Variants in ABHD8 observed in about 807,000 individuals in gnomAD.
ABHD8 encodes protein ABHD8.
A neutral mutation model predicts 29.3 loss-of-function variants in ABHD8; 10 were observed. That is an observed-to-expected ratio of 0.34 (90% CI 0.21 to 0.58). ABHD8 has a LOEUF of 0.58. ABHD8 is among the 20% of genes least tolerant of loss of function. The pLI is 0.85. For synonymous variants in ABHD8, 282 were observed against 274.6 expected (o/e 1.03, Z -0.27); for missense variants, 556 against 615.3 (o/e 0.90, Z 1.02).
intron 1 of ABHD8, 146 bp from the exon 2 acceptor site, chr19:17,301,770 T>TTTTG (rs1555721091): frequency 1.1e-6 from 1 of 907,410 alleles, no homozygotes; most frequent in South Asian, 2.2e-5. Context: ...ACTGAGATTT[T>TTTTG]TTTGTTTGTG....
Position 17,294,516 on chromosome 19 carries a change from G to A in ABHD8, c.933-12C>T. 1 of 1,613,594 alleles carries A rather than the reference G, an allele frequency of 6.2e-7. No homozygotes were observed. Among genetic ancestry groups the A allele is most frequent in the Non-Finnish European group, 8.5e-7 (1 of 1,179,946 alleles). ...GGGCGAAGCCGGCCCTGGTGGTGGT[G>A]GAGGCACCGCTAGAGCCCCTTATGC... On this transcript the variant is annotated splice_polypyrimidine_tract_variant and intron_variant, in intron 3 of 4. Transcript: ENST00000247706.
In ABHD8 at chr19:17,292,470, G is replaced by T; in HGVS notation, c.*191C>A. ...ATGGGCCCCGCGGGACGGAAGCGGA[G>T]AGCGGAATGTCCGCTGGGCTCCCTC... is the stretch of plus-strand genomic sequence containing the variant. On this transcript the variant is annotated 3_prime_UTR_variant, in exon 5 of 5. Transcript: ENST00000247706. The T allele has an allele frequency of 1.6e-6, 1 of 639,262 alleles. No homozygotes were observed. The highest frequency in any genetic ancestry group is 2.5e-6 in the Non-Finnish European group (1 of 406,026). 39.6% of individuals were successfully genotyped at this position (639,262 alleles called of 1,614,324 possible).
Position 17,301,166 on chromosome 19 carries a change from C to G in ABHD8, c.451G>C (p.Ala151Pro). Residue 151 changes from alanine (A) to proline (P), a missense_variant, in exon 2 of 5, where the codon GCC (alanine) becomes CCC (proline). By Grantham distance (27) the Ala-to-Pro change is conservative (BLOSUM62 -1). Transcript: ENST00000247706. ...TGGATGGTCCTCTTGGGGCGCCTGGCTCGCCGCCGCCGCCCACCACTGCCA... is the reference window on the plus strand; with the variant it reads ...TGGATGGTCCTCTTGGGGCGCCTGGGTCGCCGCCGCCGCCCACCACTGCCA... ...GSGSGGRRRR[A>P]RRPKRTIHID... The G allele has an allele frequency of 6.2e-7, 1 of 1,609,472 alleles. No individual in the cohort carries two copies. Among genetic ancestry groups the G allele is most frequent in the Non-Finnish European group, 8.5e-7 (1 of 1,179,352 alleles).
In ABHD8 at chr19:17,301,347, C is replaced by T. The variant is rs1158640959; in HGVS notation, c.270G>A (p.Leu90=). 15 of 1,609,314 alleles carry T rather than the reference C, an allele frequency of 9.3e-6. No individual in the cohort carries two copies. The highest frequency in any genetic ancestry group is 1.3e-5 in the Non-Finnish European group (15 of 1,179,900). Residue 90 remains leucine (L), a synonymous_variant, in exon 2 of 5, where the codon TTG becomes TTA. Coordinates refer to ENST00000247706, the MANE Select transcript of ABHD8 (RefSeq NM_024527.5). ...RRITVYRNGR[L]LVENLGRAPR... is the part of the protein sequence containing the mutation. Reference sequence around the variant, plus strand: ...GGGCTCGGCCCAGGTTTTCCACCAGCAACCGCCCATTGCGGTACACGGTGA... The same window carrying T: ...GGGCTCGGCCCAGGTTTTCCACCAGTAACCGCCCATTGCGGTACACGGTGA...
At chr19:17,300,395 G>T (rs2074112052) in intron 2 of ABHD8, among the ~76,000 whole-genome samples, 1 of 151,852 alleles carries the variant, frequency 6.6e-6, no homozygotes, top group African/African-American at 2.4e-5. Context: ...GTAGAGCTAG[G>T]GGGTTCTCCC....
Position 17,295,101 on chromosome 19 carries a change from T to TTTA in ABHD8, c.762-257_762-256insTAA, listed in dbSNP as rs1379291335. ...ACCACACCCAGGTAATTTTTTTTTT[T>TTTA]TTTTTTTTTTTTTTTGAGACGGAGT... On this transcript the variant is annotated intron_variant, in intron 2 of 4. Transcript: ENST00000247706. 9.6e-5 allele frequency among the ~76,000 whole-genome samples: 13 copies of TTTA among 135,494 alleles called. No individual in the cohort carries two copies. In the South Asian group the frequency reaches 3.1e-3, roughly 32 times the overall value. The allele number at this position is 135,494 out of a possible 152,430, so 88.9% of individuals were successfully genotyped here. A position where few individuals can be genotyped will look rare whatever the true frequency, so the allele number is the denominator to read the frequency against.
intron 1 of ABHD8, among the ~76,000 whole-genome samples, chr19:17,302,587 G>A (rs1205420038): frequency 6.6e-6 from 1 of 152,166 alleles, no homozygotes; most frequent in African/African-American, 2.4e-5. Flanking sequence ...CCCCTAGACC[G>A]GGGTGAGCCG....
chr19:17,295,219 C>T (rs941479074), intron 2 of ABHD8, among the ~76,000 whole-genome samples: 1 of 151,110 alleles, frequency 6.6e-6, no homozygotes, highest in Admixed American at 6.7e-5. Flanking sequence ...CATTCTCCTG[C>T]CTCAGCCTCC....
At position 17,298,374 on chromosome 19, in the gene ABHD8, C is replaced by G. The variant is rs1231296133; in HGVS notation, c.761+2482G>C. On this transcript the variant is annotated intron_variant, in intron 2 of 4. Transcript: ENST00000247706. ...GGACCAAGCCTTCCATGGAGGGGTTCTTGGTAAGTTTTAGGTTGTATTACC... is the reference window on the plus strand; with the variant it reads ...GGACCAAGCCTTCCATGGAGGGGTTGTTGGTAAGTTTTAGGTTGTATTACC... 7 of 152,056 alleles carry G rather than the reference C, an allele frequency of 4.6e-5. No homozygotes were observed. The East Asian group carries it at 5.8e-4, about 13-fold the overall frequency. The allele number at this position is 152,056 out of a possible 1,614,324, so 9.4% of individuals were successfully genotyped here. A position where few individuals can be genotyped will look rare whatever the true frequency, so the allele number is the denominator to read the frequency against.
At chr19:17,294,873 G>C in intron 2 of ABHD8, 28 bp from the exon 3 acceptor site, 1 of 1,605,584 alleles carries the variant, frequency 6.2e-7, no homozygotes, top group South Asian at 1.1e-5. Flanking sequence ...GGTGATAGGA[G>C]GATTGAAGGG....
chr19:17,295,712 TG>T (rs1413663978), intron 2 of ABHD8, among the ~76,000 whole-genome samples: 1 of 151,828 alleles, frequency 6.6e-6, no homozygotes, highest in Admixed American at 6.6e-5. Flanking sequence ...TGGCCTGTTT[TG>T]TTTTTGTTTT....
intron 1 of ABHD8, 146 bp from the exon 2 acceptor site, chr19:17,301,770 T>G (rs1205286514): frequency 1.1e-6 from 1 of 907,312 alleles, no homozygotes; most frequent in African/African-American, 2.4e-5. Context: ...ACTGAGATTT[T>G]TTTGTTTGTG....
rs779607230 is a variant in ABHD8 at position 17,295,090 on chromosome 19, A to ATTTTTTT, written c.762-252_762-246dup. Among the ~76,000 whole-genome samples the ATTTTTTT allele has an allele frequency of 4.6e-4, 37 of 80,410 alleles. 6 individuals are homozygous for ATTTTTTT. Among genetic ancestry groups the ATTTTTTT allele is most frequent in the African/African-American group, 1.3e-3 (27 of 20,334 alleles). The allele number at this position is 80,410 out of a possible 152,430, so 52.8% of individuals were successfully genotyped here. On this transcript the variant is annotated intron_variant, in intron 2 of 4. Transcript: ENST00000247706. ...AGGCGCACACCACCACACCCAGGTA[A>ATTTTTTT]TTTTTTTTTTTTTTTTTTTTTTTTT...
intron 2 of ABHD8, among the ~76,000 whole-genome samples, chr19:17,299,723 T>A (rs1015998173): frequency 1.6e-4 from 24 of 151,772 alleles, no homozygotes; most frequent in South Asian, 2.1e-4. Context: ...GAAAAAAAAA[T>A]TTTAAAAATG....
At chr19:17,300,058 C>T (rs1043807734) in intron 2 of ABHD8, among the ~76,000 whole-genome samples, 1 of 151,894 alleles carries the variant, frequency 6.6e-6, no homozygotes, top group African/African-American at 2.4e-5. Flanking sequence ...GTGCCCACCA[C>T]CACACCCAGC....
At position 17,294,661 on chromosome 19, in the gene ABHD8, G is replaced by A. The variant is rs746897140; in HGVS notation, c.932+14C>T. On this transcript the variant is annotated intron_variant, in intron 3 of 4. Coordinates refer to ENST00000247706, the MANE Select transcript of ABHD8 (RefSeq NM_024527.5). ...CAGGGCCAGGATCACGGTCTTTGGG[G>A]TGGGGACACTCACTTGAGGAAGCTC... 6.2e-7 allele frequency: 1 copy of A among 1,612,828 alleles called. No individual in the cohort carries two copies. Among genetic ancestry groups the A allele is most frequent in the Non-Finnish European group, 8.5e-7 (1 of 1,179,202 alleles).
chr19:17,297,873 G>A (rs955514274), intron 2 of ABHD8: 3 of 150,766 alleles, frequency 2.0e-5, no homozygotes, highest in Non-Finnish European at 2.9e-5. Flanking sequence ...TGGGATTATA[G>A]GTGTAAGCCA....
chr19:17,301,315 G>T lies in ABHD8; in HGVS notation c.302C>A (p.Ala101Asp). The T allele has an allele frequency of 6.2e-7, 1 of 1,607,192 alleles. No homozygotes were observed. The highest frequency in any genetic ancestry group is 8.5e-7 in the Non-Finnish European group (1 of 1,179,816). ...GCCATTCTGCCCGTGTAGGAGGTCGGCTCGAGGGGCTCGGCCCAGGTTTTC... is the reference window on the plus strand; with the variant it reads ...GCCATTCTGCCCGTGTAGGAGGTCGTCTCGAGGGGCTCGGCCCAGGTTTTC... ...LVENLGRAPR[A>D]DLLHGQNGSG... Residue 101 changes from alanine to aspartate, a missense_variant, in exon 2 of 5, where the codon GCC (alanine) becomes GAC (aspartate). By Grantham distance (126) the Ala-to-Asp change is moderately radical (BLOSUM62 -2). Coordinates refer to ENST00000247706, the MANE Select transcript of ABHD8 (RefSeq NM_024527.5).
chr19:17,301,288 G>A lies in ABHD8; in HGVS notation c.329C>T (p.Ser110Phe), dbSNP rs1035930909. Residue 110 changes from serine (S) to phenylalanine (F), a missense_variant, in exon 2 of 5, where the codon TCT becomes TTT. By Grantham distance (155) the Ser-to-Phe change is radical. Coordinates refer to ENST00000247706, the MANE Select transcript of ABHD8 (RefSeq NM_024527.5). Reference sequence around the variant, plus strand: ...CTCCAGGGCGGCCGGCGGCTCCCCAGAGCCATTCTGCCCGTGTAGGAGGTC... The same window carrying A: ...CTCCAGGGCGGCCGGCGGCTCCCCAAAGCCATTCTGCCCGTGTAGGAGGTC... ...RADLLHGQNG[S>F]GEPPAALEVE... 6 of 1,606,714 alleles carry A rather than the reference G, an allele frequency of 3.7e-6. No individual in the cohort carries two copies. The East Asian group carries it at 1.3e-4, about 36-fold the overall frequency.
Sources: gnomAD v4.1 joint callset for allele counts (sites outside exome capture counted in the v4.1 genomes callset) on GRCh38, gnomAD v4.1.1 for gene constraint, MANE v1.5 for transcripts, NCBI Gene and HGNC (gene_info 2026-07-23, HGNC 2026-07-21) for gene names.